ZNF223: variants seen among roughly 807,000 people sequenced by gnomAD.
ZNF223 encodes the protein zinc finger protein 223, also known as Homo sapiens zinc finger protein 223.
In ZNF223, 9 loss-of-function variants were observed where a neutral mutation model predicts 12.3. The observed-to-expected ratio is 0.73, with a 90% confidence interval of 0.44 to 1.28. The LOEUF is 1.28. ZNF223 is among the 50% of genes most tolerant of loss of function. The pLI, the probability that ZNF223 is intolerant of heterozygous loss-of-function variation, is 0.00. For missense variants in ZNF223, 506 were observed against 579.0 expected, an observed-to-expected ratio of 0.87 and a Z score of 1.29; for synonymous variants, 171 against 195.2, an observed-to-expected ratio of 0.88 and a Z score of 1.03.
At chr19:44,054,051 T>C (rs1976734237) in intron 1 of ZNF223, among the ~76,000 whole-genome samples, 2 of 152,206 alleles carry the variant, frequency 1.3e-5, no homozygotes, top group East Asian at 3.8e-4. Context: ...GTCTTCCTTT[T>C]TCTACGTAGA....
chr19:44,056,721 G>A (rs1028141351), intron 2 of ZNF223, among the ~76,000 whole-genome samples: 1 of 147,692 alleles, frequency 6.8e-6, no homozygotes, highest in African/African-American at 2.5e-5. Context: ...AGCCTCCCGA[G>A]TAGCTGGGAC....
chr19:44,058,798 C>A (rs981120547), intron 2 of ZNF223, among the ~76,000 whole-genome samples: 9 of 152,230 alleles, frequency 5.9e-5, no homozygotes, highest in Non-Finnish European at 1.0e-4. Context: ...CATCATTTTT[C>A]ATGGGAATTC....
intron 4 of ZNF223, among the ~76,000 whole-genome samples, chr19:44,063,844 GA>G (rs1038132502): frequency 2.6e-5 from 4 of 152,156 alleles, no homozygotes; most frequent in African/African-American, 9.7e-5. Context: ...CATTGGGGCA[GA>G]AAAATGGGGT....
At chr19:44,052,614 T>C (rs1976716189) in intron 1 of ZNF223, among the ~76,000 whole-genome samples, 1 of 152,204 alleles carries the variant, frequency 6.6e-6, no homozygotes, top group Non-Finnish European at 1.5e-5. Flanking sequence ...AATTCTCATA[T>C]ACCCTTTACC....
chr19:44,064,771 C>A (rs951291724), intron 4 of ZNF223, among the ~76,000 whole-genome samples: 4 of 152,090 alleles, frequency 2.6e-5, no homozygotes, highest in Non-Finnish European at 5.9e-5. Flanking sequence ...GGGGGAAAAA[C>A]CAAATAAGAC....
intron 2 of ZNF223, among the ~76,000 whole-genome samples, chr19:44,057,503 G>A (rs1453353074): frequency 6.6e-6 from 1 of 152,164 alleles, no homozygotes; most frequent in Non-Finnish European, 1.5e-5. Flanking sequence ...GGTAATAACA[G>A]TAATAAGTAA....
At position 44,060,351 on chromosome 19, in the gene ZNF223, G is replaced by A. The variant is rs148332000; in HGVS notation, c.16-104G>A. 237 of 1,529,954 alleles carry A rather than the reference G, an allele frequency of 1.5e-4. No individual in the cohort carries two copies. In the African/African-American group the frequency reaches 2.7e-3, roughly 18 times the overall value. 94.8% of individuals were successfully genotyped at this position (1,529,954 alleles called of 1,614,324 possible). A position where few individuals can be genotyped will look rare whatever the true frequency, so the allele number is the denominator to read the frequency against. The stretch of plus-strand genomic sequence containing the variant: ...CTATAAGTTGACCTACATCTCTGAA[G>A]ATCCTGAAAAACTTTCCATTTTTCC... On this transcript the variant is annotated intron_variant, in intron 2 of 4. Coordinates refer to ENST00000434772, the MANE Select transcript of ZNF223 (RefSeq NM_013361.6).
intron 2 of ZNF223, among the ~76,000 whole-genome samples, chr19:44,056,361 CAAA>C (rs1227362311): frequency 1.5e-3 from 119 of 78,854 alleles, no homozygotes; most frequent in South Asian, 4.3e-3. Context: ...ACTAAAAATA[CAAA>C]AAAAAAAAAA....
intron 4 of ZNF223, among the ~76,000 whole-genome samples, chr19:44,065,474 C>T (rs1488734933): frequency 6.6e-6 from 1 of 151,834 alleles, no homozygotes; most frequent in Non-Finnish European, 1.5e-5. Flanking sequence ...ATTTTAAAAA[C>T]AGTAACAGGT....
At position 44,066,363 on chromosome 19, in the gene ZNF223, G is replaced by C. The variant is rs75067934; in HGVS notation, c.535G>C (p.Asp179His). The change falls in exon 5 of 5, where the codon GAT (aspartate) becomes CAT (histidine). Residue 179 changes from aspartate to histidine, a missense_variant. Transcript: ENST00000434772. Reference protein sequence around the residue: ...IRSAEKSHSCDECGKSFCYIS... With the variant: ...IRSAEKSHSCHECGKSFCYIS... The stretch of plus-strand genomic sequence containing the variant: ...CTCAGCAGAGAAGTCTCATTCCTGT[G>C]ATGAGTGTGGAAAAAGCTTCTGTTA... The C allele has an allele frequency of 1.0e-3, 1,678 of 1,614,230 alleles. 3 individuals are homozygous for C. Among genetic ancestry groups the C allele is most frequent in the Non-Finnish European group, 1.3e-3 (1,495 of 1,180,054 alleles).
chr19:44,060,432 G>A (rs776643374), intron 2 of ZNF223, 23 bp from the exon 3 acceptor site: 4 of 1,613,332 alleles, frequency 2.5e-6, no homozygotes. Flanking sequence ...TGAGATTGAG[G>A]TTGCATATGT....
intron 1 of ZNF223, among the ~76,000 whole-genome samples, chr19:44,054,706 C>A (rs1007900041): frequency 6.6e-6 from 1 of 152,148 alleles, no homozygotes; most frequent in Non-Finnish European, 1.5e-5. Context: ...TTACTTTGAA[C>A]CTCATTCTCA....
In ZNF223 at chr19:44,060,653, TTGAG is replaced by T. The variant is rs879140916; in HGVS notation, c.142+75_142+78del. The T allele has an allele frequency of 2.2e-5, 35 of 1,613,426 alleles. No individual in the cohort carries two copies. The South Asian group carries it at 3.4e-4, about 16-fold the overall frequency. Reference sequence around the variant, plus strand: ...GTTTTGTATCCTAGGGTGTTCAAGTTTGAGTGTGCAGTGGGAACCTAAATTTCCA... The same window carrying T: ...GTTTTGTATCCTAGGGTGTTCAAGTTTGTGCAGTGGGAACCTAAATTTCCA... On this transcript the variant is annotated intron_variant, in intron 3 of 4. Coordinates refer to ENST00000434772, the MANE Select transcript of ZNF223 (RefSeq NM_013361.6).
intron 2 of ZNF223, among the ~76,000 whole-genome samples, chr19:44,055,619 A>T (rs1341846267): frequency 6.6e-6 from 1 of 151,880 alleles, no homozygotes. Context: ...AAAATACAAA[A>T]TTAACTGGGC....
chr19:44,067,242 GAT>G lies in ZNF223; in HGVS notation c.1418_1419del (p.Ile473AsnfsTer8), dbSNP rs1461873523. The G allele has an allele frequency of 6.2e-7, 1 of 1,607,738 alleles. No individual in the cohort carries two copies. The highest frequency in any genetic ancestry group is 2.2e-5 in the East Asian group (1 of 44,876). On this transcript the variant is annotated frameshift_variant, in exon 5 of 5. Coordinates refer to ENST00000434772, the MANE Select transcript of ZNF223 (RefSeq NM_013361.6). LOFTEE classifies it high-confidence loss of function. ...GKRYKRRLNLDIILSLFLNDT is the reference protein window; with the variant it reads ...GKRYKRRLNLXIILSLFLNDT ...GCGCTACAAGAGGCGCTTGAATCTT[GAT>G]ATAATTTTATCATTATTTTTAAATG...
Position 44,066,705 on chromosome 19 carries a change from T to C in ZNF223, c.877T>C (p.Cys293Arg), listed in dbSNP as rs781312392. 9.3e-6 allele frequency: 15 copies of C among 1,614,190 alleles called. No homozygotes were observed. The highest frequency in any genetic ancestry group is 1.2e-5 in the Non-Finnish European group (14 of 1,180,034). The change falls in exon 5 of 5, where the codon TGT becomes CGT. Residue 293 changes from cysteine to arginine, a missense_variant. Cys to Arg is a radical substitution (Grantham distance 180). Coordinates refer to ENST00000434772, the MANE Select transcript of ZNF223 (RefSeq NM_013361.6). The part of the protein sequence containing the change: ...TGEKPFKCEI[C>R]SVSFRLRSSL... The stretch of plus-strand genomic sequence containing the variant: ...GGAGAAGCCATTCAAATGTGAGATA[T>C]GTAGTGTGAGCTTCCGTCTTAGGTC...
intron 2 of ZNF223, 23 bp from the exon 3 acceptor site, chr19:44,060,432 G>C: frequency 1.9e-6 from 3 of 1,613,332 alleles, no homozygotes; most frequent in Non-Finnish European, 2.5e-6. Flanking sequence ...TGAGATTGAG[G>C]TTGCATATGT....
Position 44,067,082 on chromosome 19 carries a change from T to G in ZNF223, c.1254T>G (p.His418Gln). ...GACAGGCCTCAAGTATTTTGAATCA[T>G]AAGAGACTCCATTGCCGAAAAAAAC... ...SFRQASSILN[H>Q]KRLHCRKKPF... Residue 418 changes from histidine (H) to glutamine (Q), a missense_variant, in exon 5 of 5, where the codon CAT becomes CAG. Physicochemically the swap from His to Gln is conservative, Grantham distance 24 (BLOSUM62 0). Coordinates refer to ENST00000434772, the MANE Select transcript of ZNF223 (RefSeq NM_013361.6). The G allele has an allele frequency of 6.2e-7, 1 of 1,613,764 alleles. No homozygotes were observed.
At position 44,066,090 on chromosome 19, in the gene ZNF223, A is replaced by C; in HGVS notation, c.262A>C (p.Thr88Pro). The change falls in exon 5 of 5, where the codon ACT becomes CCT. Residue 88 changes from threonine to proline, a missense_variant. Coordinates refer to ENST00000434772, the MANE Select transcript of ZNF223 (RefSeq NM_013361.6). ...AGGCAAGATCCAACCTGAGATGAAG[A>C]CTTTTCCAGAAGCAGGACCACATGA... ...SGGKIQPEMKTFPEAGPHEGW... is the reference protein window; with the variant it reads ...SGGKIQPEMKPFPEAGPHEGW... 6.2e-7 allele frequency: 1 copy of C among 1,600,676 alleles called. No individual in the cohort carries two copies. Among genetic ancestry groups the C allele is most frequent in the Non-Finnish European group, 8.5e-7 (1 of 1,175,806 alleles).
Sources: gnomAD v4.1 joint callset for allele counts (sites outside exome capture counted in the v4.1 genomes callset) on GRCh38, gnomAD v4.1.1 for gene constraint, MANE v1.5 for transcripts, NCBI Gene and HGNC (gene_info 2026-07-23, HGNC 2026-07-21) for gene names.